CNTN5: variants seen among roughly 807,000 people sequenced by gnomAD.
CNTN5 encodes contactin 5.
A neutral mutation model predicts 129.1 loss-of-function variants in CNTN5; 77 were observed. The observed-to-expected ratio is 0.60, with a 90% CI of 0.50 to 0.72. CNTN5 has a LOEUF of 0.72. CNTN5 is among the 30% of genes least tolerant of loss of function. The pLI, the probability that CNTN5 is intolerant of heterozygous loss-of-function variation, is 0.00. For synonymous variants in CNTN5, 509 were observed against 465.6 expected, an observed-to-expected ratio of 1.09 and a Z score of -1.20; for missense variants, 1,478 against 1,328.8, an observed-to-expected ratio of 1.11 and a Z score of -1.75.
intron 3 of CNTN5, among the ~76,000 whole-genome samples, chr11:99,582,303 C>G (rs1055401039): frequency 6.6e-6 from 1 of 152,136 alleles, no homozygotes; most frequent in Non-Finnish European, 1.5e-5. Flanking sequence ...AATTATGTGT[C>G]TTGGAGTTGC....
At position 100,260,844 on chromosome 11, in the gene CNTN5, A is replaced by G. The variant is rs1950180597; in HGVS notation, c.2164+4926A>G. On this transcript the variant is annotated intron_variant, in intron 17 of 24. Coordinates refer to ENST00000524871, the MANE Select transcript of CNTN5 (RefSeq NM_014361.4). Reference sequence around the variant, plus strand: ...ATAAACACACAGCTAATATCATACTAAATGGGCAAAAACTGGAAGCATCCC... The same window carrying G: ...ATAAACACACAGCTAATATCATACTGAATGGGCAAAAACTGGAAGCATCCC... 2.0e-5 allele frequency among the ~76,000 whole-genome samples: 3 copies of G among 152,260 alleles called. No individual in the cohort carries two copies. In the South Asian group the frequency reaches 6.2e-4, roughly 32 times the overall value.
chr11:99,766,520 A>C (rs1265645291), intron 3 of CNTN5, among the ~76,000 whole-genome samples: 1 of 152,098 alleles, frequency 6.6e-6, no homozygotes, highest in Non-Finnish European at 1.5e-5. Flanking sequence ...ATTATTTTAT[A>C]CTGAAAACTA....
At chr11:99,347,001 A>G (rs1375042803) in intron 2 of CNTN5, among the ~76,000 whole-genome samples, 1 of 152,258 alleles carries the variant, frequency 6.6e-6, no homozygotes, top group Non-Finnish European at 1.5e-5. Context: ...GACACTAGCT[A>G]AATGTCATTG....
intron 3 of CNTN5, among the ~76,000 whole-genome samples, chr11:99,760,249 T>C (rs924385606): frequency 6.6e-6 from 1 of 152,144 alleles, no homozygotes; most frequent in Non-Finnish European, 1.5e-5. Context: ...TTGAAAAACA[T>C]AGATTTTTGT....
At chr11:99,129,206 T>C (rs1858808125) in intron 1 of CNTN5, among the ~76,000 whole-genome samples, 1 of 152,126 alleles carries the variant, frequency 6.6e-6, no homozygotes, top group Non-Finnish European at 1.5e-5. Flanking sequence ...AGAACCATGA[T>C]AAAAGATTAC....
At chr11:100,037,993 A>T (rs1081354) in intron 9 of CNTN5, among the ~76,000 whole-genome samples, 68,035 of 151,232 alleles carry the variant, frequency 0.45, 15,999 homozygotes, top group African/African-American at 0.58. Context: ...TCTTAGTTAT[A>T]TCTTGCCTTC....
At chr11:99,832,922 G>C (rs1016136085) in intron 4 of CNTN5, among the ~76,000 whole-genome samples, 1 of 152,164 alleles carries the variant, frequency 6.6e-6, no homozygotes, top group African/African-American at 2.4e-5. Flanking sequence ...GGCATTAGAT[G>C]TAATCCCTGA....
chr11:99,715,941 A>G (rs997376373), intron 3 of CNTN5, among the ~76,000 whole-genome samples: 12 of 152,146 alleles, frequency 7.9e-5, no homozygotes, highest in East Asian at 1.9e-4. Flanking sequence ...AGGAGAGTAT[A>G]TCCTTAGAAC....
intron 8 of CNTN5, among the ~76,000 whole-genome samples, chr11:99,982,932 A>C (rs1175714935): frequency 2.0e-5 from 3 of 152,054 alleles, no homozygotes; most frequent in African/African-American, 4.8e-5. Context: ...TGAAAATTTT[A>C]ATAGAGAAAT....
chr11:99,660,218 A>T (rs1249937217), intron 3 of CNTN5, among the ~76,000 whole-genome samples: 1 of 152,106 alleles, frequency 6.6e-6, no homozygotes, highest in Non-Finnish European at 1.5e-5. Flanking sequence ...AATCTTCATA[A>T]GTGAAAAAAA....
intron 2 of CNTN5, among the ~76,000 whole-genome samples, chr11:99,473,522 G>C (rs1278666534): frequency 6.6e-6 from 1 of 151,714 alleles, no homozygotes; most frequent in Non-Finnish European, 1.5e-5. Context: ...CTCTTCTATG[G>C]GAGTTAGATG....
intron 2 of CNTN5, among the ~76,000 whole-genome samples, chr11:99,339,406 AAT>A (rs1460658496): frequency 6.6e-6 from 1 of 151,946 alleles, no homozygotes; most frequent in East Asian, 1.9e-4. Context: ...TTGCTAAGCC[AAT>A]GTTTGCTCTG....
chr11:99,871,918 T>G (rs1591343574), intron 6 of CNTN5, among the ~76,000 whole-genome samples: 1 of 151,452 alleles, frequency 6.6e-6, no homozygotes, highest in Admixed American at 6.6e-5. Context: ...ATTCTTTATA[T>G]ATTTATATAT....
intron 1 of CNTN5, among the ~76,000 whole-genome samples, chr11:99,236,394 T>C (rs975373932): frequency 1.3e-5 from 2 of 152,030 alleles, no homozygotes; most frequent in African/African-American, 2.4e-5. Context: ...TTGTGTTATT[T>C]TAAATAATAT....
At chr11:99,230,607 A>G (rs1288951558) in intron 1 of CNTN5, among the ~76,000 whole-genome samples, 1 of 152,124 alleles carries the variant, frequency 6.6e-6, no homozygotes, top group African/African-American at 2.4e-5. Flanking sequence ...ACTTTTTGAG[A>G]CTGCAATAGC....
chr11:99,450,257 A>AATAT lies in CNTN5; in HGVS notation c.-70-105863_-70-105860dup, dbSNP rs56270711. Among the ~76,000 whole-genome samples the AATAT allele has an allele frequency of 6.5e-3, 952 of 145,942 alleles. 4 individuals carry two copies. Among genetic ancestry groups the AATAT allele is most frequent in the African/African-American group, 8.2e-3 (323 of 39,624 alleles). On this transcript the variant is annotated intron_variant, in intron 2 of 24. Transcript: ENST00000524871. ...TTTGGCAAAAAGTATTGCTGGTAGA[A>AATAT]ATATATATATATATATATATATATA... is the stretch of plus-strand genomic sequence containing the variant.
chr11:99,751,689 C>T (rs117069574), intron 3 of CNTN5, among the ~76,000 whole-genome samples: 4,796 of 152,188 alleles, frequency 0.032, 114 homozygotes, highest in Middle Eastern at 0.078. Flanking sequence ...CTTTTAATTA[C>T]TGGTGTAAAT....
chr11:99,091,961 G>A (rs1402129580), intron 1 of CNTN5, among the ~76,000 whole-genome samples: 2 of 152,040 alleles, frequency 1.3e-5, no homozygotes, highest in African/African-American at 4.8e-5. Flanking sequence ...CCAAATTACA[G>A]CATTTTTATT....
rs139197672 is a variant in CNTN5, at chr11:100,062,489, C to G, written c.1162+1096C>G. On this transcript the variant is annotated intron_variant, in intron 10 of 24. Coordinates refer to ENST00000524871, the MANE Select transcript of CNTN5 (RefSeq NM_014361.4). ...TACAGTTAATGTTTGTTAAGTGCCTCGTACTGCTCTACATGCCAGCAATAG... is the reference window on the plus strand; with the variant it reads ...TACAGTTAATGTTTGTTAAGTGCCTGGTACTGCTCTACATGCCAGCAATAG... 2.5e-3 allele frequency among the ~76,000 whole-genome samples: 378 copies of G among 152,292 alleles called. 3 individuals carry two copies. The highest frequency in any genetic ancestry group is 8.8e-3 in the African/African-American group (365 of 41,548).
Sources: gnomAD v4.1 joint callset for allele counts (sites outside exome capture counted in the v4.1 genomes callset) on GRCh38, gnomAD v4.1.1 for gene constraint, MANE v1.5 for transcripts, NCBI Gene and HGNC (gene_info 2026-07-23, HGNC 2026-07-21) for gene names.